Variants in FHIT observed in about 807,000 individuals in gnomAD.
FHIT encodes bis(5'-adenosyl)-triphosphatase.
FHIT carries 19 observed loss-of-function variants against 17.9 expected under a neutral mutation model. That is an observed-to-expected ratio of 1.06 (90% confidence interval 0.74 to 1.56). The LOEUF is 1.56. Ranked by LOEUF, FHIT falls within the 40% of genes most tolerant of loss-of-function variation. The probability of loss-of-function intolerance (pLI) is 0.00; values close to 1 mark genes in which losing one functional copy is unlikely to be tolerated. For missense variants in FHIT, 248 were observed against 189.2 expected, an observed-to-expected ratio of 1.31 and a Z score of -1.82; for synonymous variants, 81 against 69.7, an observed-to-expected ratio of 1.16 and a Z score of -0.81.
At chr3:60,266,110 T>C (rs1482110450) in intron 5 of FHIT, among the ~76,000 whole-genome samples, 1 of 152,018 alleles carries the variant, frequency 6.6e-6, no homozygotes, top group Non-Finnish European at 1.5e-5. Flanking sequence ...TGAATGTTTA[T>C]AACAGCATCA....
At chr3:60,566,603 G>A (rs1218101046) in intron 4 of FHIT, among the ~76,000 whole-genome samples, 2 of 152,014 alleles carry the variant, frequency 1.3e-5, no homozygotes, top group Non-Finnish European at 2.9e-5. Flanking sequence ...TGGAAGCTCT[G>A]GCCAGGGCAA....
rs559759709 is a variant in FHIT, at chr3:59,917,310, T to C, written c.348+5036A>G. ...TCCTTCATCAGTAATGGGTTTTATA[T>C]ACAGTGCACAGTCACAACCATTCAA... On this transcript the variant is annotated intron_variant, in intron 8 of 9. Coordinates refer to ENST00000492590, the MANE Select transcript of FHIT (RefSeq NM_002012.4). Among the ~76,000 whole-genome samples the C allele has an allele frequency of 2.0e-5, 3 of 152,378 alleles. No individual in the cohort carries two copies. The South Asian group carries it at 6.2e-4, about 32-fold the overall frequency.
At chr3:60,679,224 A>C (rs2040691572) in intron 4 of FHIT, among the ~76,000 whole-genome samples, 2 of 152,162 alleles carry the variant, frequency 1.3e-5, no homozygotes, top group African/African-American at 4.8e-5. Flanking sequence ...CAATACAAGA[A>C]AAGACAAAGG....
At chr3:61,103,286 T>C (rs1291290990) in intron 2 of FHIT, among the ~76,000 whole-genome samples, 1 of 152,236 alleles carries the variant, frequency 6.6e-6, no homozygotes, top group East Asian at 1.9e-4. Context: ...AGAACATCTT[T>C]ATTTCTGCCT....
chr3:59,948,073 A>G (rs1014572847), intron 7 of FHIT, among the ~76,000 whole-genome samples: 8 of 152,260 alleles, frequency 5.3e-5, no homozygotes, highest in African/African-American at 1.9e-4. Flanking sequence ...GACTGTGTCC[A>G]GTTTTCAGCT....
At chr3:59,874,678 A>T (rs76840640) in intron 8 of FHIT, among the ~76,000 whole-genome samples, 6 of 148,298 alleles carry the variant, frequency 4.0e-5, no homozygotes, top group African/African-American at 2.5e-5. Context: ...TGTGTTTTTC[A>T]TTTTTTTTTT....
At chr3:61,101,586 T>C (rs2035831136) in intron 2 of FHIT, among the ~76,000 whole-genome samples, 1 of 152,226 alleles carries the variant, frequency 6.6e-6, no homozygotes. Flanking sequence ...TCCAATTCTA[T>C]GAAGAAAGTC....
At chr3:59,834,768 T>A (rs1041808049) in intron 8 of FHIT, among the ~76,000 whole-genome samples, 1 of 152,204 alleles carries the variant, frequency 6.6e-6, no homozygotes, top group African/African-American at 2.4e-5. Context: ...CATATGAATT[T>A]TGAAGGACAC....
At chr3:60,466,230 T>G (rs1391039517) in intron 5 of FHIT, among the ~76,000 whole-genome samples, 1 of 152,078 alleles carries the variant, frequency 6.6e-6, no homozygotes, top group African/African-American at 2.4e-5. Flanking sequence ...GTATGTTGAT[T>G]TTTATATCTT....
At chr3:60,806,512 T>C (rs1701394167) in intron 4 of FHIT, among the ~76,000 whole-genome samples, 2 of 152,242 alleles carry the variant, frequency 1.3e-5, no homozygotes, top group South Asian at 4.1e-4. Context: ...TTTGTACTGA[T>C]TTGACTTTTT....
chr3:60,932,223 G>A (rs1707991991), intron 3 of FHIT, among the ~76,000 whole-genome samples: 1 of 152,136 alleles, frequency 6.6e-6, no homozygotes, highest in Non-Finnish European at 1.5e-5. Context: ...GTATTACTAT[G>A]CACATTTTAC....
Position 60,990,376 on chromosome 3 carries a change from C to T in FHIT, c.-111+51671G>A, listed in dbSNP as rs538280278. On this transcript the variant is annotated intron_variant, in intron 3 of 9. Transcript: ENST00000492590. ...ACTAAAGATATCCATGTCAACCCCA[C>T]GCATTGAGCAGAACAAAGGATCGTT... Among the ~76,000 whole-genome samples, 27 of 152,300 alleles carry T rather than the reference C, an allele frequency of 1.8e-4. No individual in the cohort carries two copies. In the South Asian group the frequency reaches 3.3e-3, roughly 19 times the overall value.
rs549981817 is a variant in FHIT, at chr3:60,836,586, C to T, written c.-110-14575G>A. ...TTGTTCATGGCATTTCTTTATTATCCTTTTGATGTCTACAGGGTCAATAGT... is the reference window on the plus strand; with the variant it reads ...TTGTTCATGGCATTTCTTTATTATCTTTTTGATGTCTACAGGGTCAATAGT... On this transcript the variant is annotated intron_variant, in intron 3 of 9. Transcript: ENST00000492590. Among the ~76,000 whole-genome samples the T allele has an allele frequency of 2.0e-5, 3 of 152,070 alleles. No individual in the cohort carries two copies. The South Asian group carries it at 6.2e-4, about 32-fold the overall frequency.
chr3:60,375,367 G>C (rs1261444859), intron 5 of FHIT, among the ~76,000 whole-genome samples: 1 of 150,058 alleles, frequency 6.7e-6, no homozygotes, highest in Non-Finnish European at 1.5e-5. Flanking sequence ...TCAGGAGTTC[G>C]AGACTACCCT....
intron 3 of FHIT, among the ~76,000 whole-genome samples, chr3:60,914,586 T>C (rs566039729): frequency 6.6e-6 from 1 of 152,078 alleles, no homozygotes; most frequent in Admixed American, 6.5e-5. Context: ...AATGGGGTCA[T>C]AGGGACACAA....
At position 59,828,843 on chromosome 3, in the gene FHIT, C is replaced by CTGTGTGTGTGTGTGTG. The variant is rs10637442; in HGVS notation, c.349-76523_349-76522insCACACACACACACACA. On this transcript the variant is annotated intron_variant, in intron 8 of 9. Transcript: ENST00000492590. ...TTTTGTTTTTTTAACCAATGGTACT[C>CTGTGTGTGTGTGTGTG]TCTCTGTGTGTGTGTGTGTGTGTGT... Among the ~76,000 whole-genome samples, 1,178 of 146,828 alleles carry CTGTGTGTGTGTGTGTG rather than the reference C, an allele frequency of 8.0e-3. 24 individuals carry two copies. Among genetic ancestry groups the CTGTGTGTGTGTGTGTG allele is most frequent in the East Asian group, 0.027 (135 of 5,022 alleles).
intron 4 of FHIT, among the ~76,000 whole-genome samples, chr3:60,610,074 AC>A (rs2038738046): frequency 6.6e-6 from 1 of 152,204 alleles, no homozygotes; most frequent in Non-Finnish European, 1.5e-5. Flanking sequence ...TAAATAAACT[AC>A]ATTATTATTA....
chr3:61,223,986 G>A (rs1236055925), intron 1 of FHIT, among the ~76,000 whole-genome samples: 1 of 152,140 alleles, frequency 6.6e-6, no homozygotes, highest in African/African-American at 2.4e-5. Context: ...TCCTCTATGG[G>A]TTACTGGTCC....
At chr3:60,567,527 A>G (rs531327285) in intron 4 of FHIT, among the ~76,000 whole-genome samples, 19 of 152,314 alleles carry the variant, frequency 1.2e-4, no homozygotes, top group Admixed American at 2.0e-4. Flanking sequence ...AGGCAATACC[A>G]TTCAGGACAT....
Sources: gnomAD v4.1 joint callset for allele counts (sites outside exome capture counted in the v4.1 genomes callset) on GRCh38, gnomAD v4.1.1 for gene constraint, MANE v1.5 for transcripts, NCBI Gene and HGNC (gene_info 2026-07-23, HGNC 2026-07-21) for gene names.